The following LGR5 variants were observed in gnomAD, a reference collection of about 807,000 sequenced individuals.
The protein encoded by LGR5 is leucine-rich repeat-containing G protein-coupled receptor 5.
LGR5 carries 54 observed loss-of-function variants against 76.7 expected under a neutral mutation model. That is an observed-to-expected ratio of 0.70 (90% confidence interval 0.57 to 0.88). The LOEUF is 0.88. LGR5 is among the 40% of genes least tolerant of loss of function. The pLI, the probability that LGR5 is intolerant of heterozygous loss-of-function variation, is 0.00. For synonymous variants in LGR5, 406 were observed against 421.9 expected, an observed-to-expected ratio of 0.96 and a Z score of 0.46; for missense variants, 1,078 against 1,073.3, an observed-to-expected ratio of 1.00 and a Z score of -0.06.
chr12:71,557,240 A>C (rs1240376232), intron 6 of LGR5, among the ~76,000 whole-genome samples: 1 of 152,184 alleles, frequency 6.6e-6, no homozygotes, highest in Non-Finnish European at 1.5e-5. Context: ...AGCTGTGACC[A>C]TGCCACTGCA....
intron 3 of LGR5, among the ~76,000 whole-genome samples, chr12:71,529,433 C>G (rs1876186482): frequency 1.3e-5 from 2 of 152,250 alleles, no homozygotes; most frequent in African/African-American, 2.4e-5. Flanking sequence ...AACAGCATGG[C>G]AGAAAGCGCC....
intron 4 of LGR5, among the ~76,000 whole-genome samples, chr12:71,546,917 G>C (rs1877202986): frequency 6.6e-6 from 1 of 152,166 alleles, no homozygotes; most frequent in Admixed American, 6.5e-5. Context: ...AGGCCCCTCA[G>C]GGTGAACTTG....
intron 3 of LGR5, among the ~76,000 whole-genome samples, chr12:71,526,155 T>G (rs1002632419): frequency 1.3e-5 from 2 of 152,168 alleles, no homozygotes; most frequent in African/African-American, 4.8e-5. Flanking sequence ...GAGTTCTAGA[T>G]TTTTCAACTT....
intron 1 of LGR5, among the ~76,000 whole-genome samples, chr12:71,469,106 A>G (rs983323511): frequency 2.6e-5 from 4 of 152,180 alleles, no homozygotes; most frequent in African/African-American, 9.7e-5. Flanking sequence ...TACTTCCAGA[A>G]TGACTATGGG....
intron 1 of LGR5, among the ~76,000 whole-genome samples, chr12:71,459,432 C>T (rs368081765): frequency 4.6e-5 from 7 of 152,222 alleles, no homozygotes; most frequent in East Asian, 3.9e-4. Flanking sequence ...CAGGTACATA[C>T]GCTGAGCCCC....
At chr12:71,549,135 G>C (rs997917222) in intron 4 of LGR5, among the ~76,000 whole-genome samples, 2 of 152,256 alleles carry the variant, frequency 1.3e-5, no homozygotes, top group African/African-American at 2.4e-5. Context: ...TGCCCTGTCA[G>C]CTGCTTTGTC....
chr12:71,454,990 A>G (rs1044340130), intron 1 of LGR5, among the ~76,000 whole-genome samples: 1 of 152,024 alleles, frequency 6.6e-6, no homozygotes, highest in Non-Finnish European at 1.5e-5. Context: ...AAACAAAACC[A>G]AAAAAATGCA....
In LGR5 at chr12:71,585,724, CCCAATATCTGACA is replaced by C. The variant is rs1382930065; in HGVS notation, c.*994_*1006del. On this transcript the variant is annotated 3_prime_UTR_variant, in exon 18 of 18. Coordinates refer to ENST00000266674, the MANE Select transcript of LGR5 (RefSeq NM_003667.4). ...ATGTATCTCTAGTAGCTCTGGCAAA[CCCAATATCTGACA>C]CCACTTTGGACTCAAGAGACTCAGT... 6.6e-6 allele frequency: 1 copy of C among 152,206 alleles called. No individual in the cohort carries two copies. Among genetic ancestry groups the C allele is most frequent in the African/African-American group, 2.4e-5 (1 of 41,446 alleles). The allele number at this position is 152,206 out of a possible 1,614,324, so 9.4% of individuals were successfully genotyped here.
At position 71,524,415 on chromosome 12, in the gene LGR5, G is replaced by T. The variant is rs773463470; in HGVS notation, c.294G>T (p.Ala98=). 2 of 1,611,856 alleles carry T rather than the reference G, an allele frequency of 1.2e-6. No homozygotes were observed. The highest frequency in any genetic ancestry group is 1.7e-5 in the Admixed American group (1 of 59,662). The change falls in exon 3 of 18, where the codon GCG becomes GCT. Residue 98 remains alanine (A), a synonymous_variant. Transcript: ENST00000266674. ...SLRFLEELRL[A]GNALTYIPKG... Reference sequence around the variant, plus strand: ...CCATTGAAACCCACAGACGTCTTGCGGGAAACGCTCTGACATACATTCCCA... The same window carrying T: ...CCATTGAAACCCACAGACGTCTTGCTGGAAACGCTCTGACATACATTCCCA...
At chr12:71,568,048 C>T (rs1308925979) in intron 11 of LGR5, among the ~76,000 whole-genome samples, 1 of 152,094 alleles carries the variant, frequency 6.6e-6, no homozygotes, top group Non-Finnish European at 1.5e-5. Context: ...GCCTACCACA[C>T]CCAGAACAGG....
chr12:71,483,084 T>C (rs929866820), intron 1 of LGR5, among the ~76,000 whole-genome samples: 7 of 151,438 alleles, frequency 4.6e-5, no homozygotes, highest in Non-Finnish European at 7.4e-5. Flanking sequence ...GTTACTGTTA[T>C]AAGAAAAAAA....
In LGR5 at chr12:71,493,175, C is replaced by T. The variant is rs905164960; in HGVS notation, c.213-11439C>T. Among the ~76,000 whole-genome samples, 10 of 151,302 alleles carry T rather than the reference C, an allele frequency of 6.6e-5. 1 individual carries two copies. The highest frequency in any genetic ancestry group is 2.5e-4 in the African/African-American group (10 of 40,602). ...AACGGACCAATCTTTTGTGGGAAGA[C>T]AATAGGGATCGTTTCCAGCAGTTTT... On this transcript the variant is annotated intron_variant, in intron 1 of 17. Coordinates refer to ENST00000266674, the MANE Select transcript of LGR5 (RefSeq NM_003667.4).
intron 11 of LGR5, 50 bp from the exon 12 acceptor site, chr12:71,571,464 T>C (rs1226543705): frequency 7.4e-7 from 1 of 1,349,520 alleles, no homozygotes; most frequent in Admixed American, 1.8e-5. Flanking sequence ...CATGTTTCTT[T>C]ATGATTTATT....
intron 11 of LGR5, among the ~76,000 whole-genome samples, chr12:71,570,823 G>C (rs568776901): frequency 6.6e-6 from 1 of 152,120 alleles, no homozygotes; most frequent in African/African-American, 2.4e-5. Context: ...ATTAGAATCA[G>C]GCATGAAAAT....
At chr12:71,549,634 AG>A (rs1181838689) in intron 4 of LGR5, among the ~76,000 whole-genome samples, 1 of 152,206 alleles carries the variant, frequency 6.6e-6, no homozygotes, top group Non-Finnish European at 1.5e-5. Context: ...AATGCCTTTG[AG>A]TGTGAACAAT....
At chr12:71,514,525 G>T (rs1698062700) in intron 2 of LGR5, among the ~76,000 whole-genome samples, 1 of 144,666 alleles carries the variant, frequency 6.9e-6, no homozygotes, top group Non-Finnish European at 1.5e-5. Flanking sequence ...CCCAGATCGC[G>T]CCACTGCACT....
Position 71,584,901 on chromosome 12 carries a change from A to G in LGR5, c.*167A>G, listed in dbSNP as rs916980871. 1 of 638,036 alleles carries G rather than the reference A, an allele frequency of 1.6e-6. No homozygotes were observed. The highest frequency in any genetic ancestry group is 1.8e-5 in the African/African-American group (1 of 54,700). 39.5% of individuals were successfully genotyped at this position (638,036 alleles called of 1,614,324 possible). On this transcript the variant is annotated 3_prime_UTR_variant, in exon 18 of 18. Coordinates refer to ENST00000266674, the MANE Select transcript of LGR5 (RefSeq NM_003667.4). ...GGCTGAAAACCTCTTGATACTTGAGAGTGAATATAAGTCTAAATGCTGCTT... is the reference window on the plus strand; with the variant it reads ...GGCTGAAAACCTCTTGATACTTGAGGGTGAATATAAGTCTAAATGCTGCTT...
chr12:71,552,970 T>C, intron 4 of LGR5, 103 bp from the exon 5 acceptor site: 2 of 999,310 alleles, frequency 2.0e-6, no homozygotes, highest in Non-Finnish European at 3.1e-6. Flanking sequence ...CCCCAGGCCC[T>C]GTTCCACTCT....
chr12:71,566,667 C>T lies in LGR5; in HGVS notation c.965C>T (p.Pro322Leu), dbSNP rs957879706. 1.9e-6 allele frequency: 3 copies of T among 1,613,540 alleles called. No individual in the cohort carries two copies. In the African/African-American group the frequency reaches 4.0e-5, roughly 22 times the overall value. ...LNGASQITEF[P>L]DLTGTANLES... ...GGTGCCTCACAAATAACTGAATTTC[C>T]TGATTTAACTGGAACTGCAAACCTG... The change falls in exon 10 of 18, where the codon CCT becomes CTT. Residue 322 changes from proline (P) to leucine (L), a missense_variant. Physicochemically the swap from Pro to Leu is moderately conservative, Grantham distance 98. Transcript: ENST00000266674.
Sources: allele counts gnomAD v4.1 joint callset (sites outside exome capture counted in the v4.1 genomes callset), GRCh38; gene constraint gnomAD v4.1.1; transcripts MANE v1.5; gene names NCBI Gene and HGNC (gene_info 2026-07-23, HGNC 2026-07-21).